Variants in NRG3 observed in about 807,000 individuals in gnomAD.
NRG3 encodes the protein pro-neuregulin-3, membrane-bound isoform.
A neutral mutation model predicts 66.9 loss-of-function variants in NRG3; 31 were observed. The ratio of observed to expected loss-of-function variants is 0.46; its 90% CI spans 0.35 to 0.63. The LOEUF (loss-of-function observed/expected upper bound fraction) is 0.63. Among genes scored for constraint, NRG3 ranks in the 20% least tolerant of loss-of-function variants. The pLI, the probability that NRG3 is intolerant of heterozygous loss-of-function variation, is 0.00. For synonymous variants in NRG3, 393 were observed against 359.4 expected, an observed-to-expected ratio of 1.09 and a Z score of -1.06; for missense variants, 910 against 878.9, an observed-to-expected ratio of 1.04 and a Z score of -0.45.
intron 4 of NRG3, among the ~76,000 whole-genome samples, chr10:82,900,097 C>T (rs1029757705): frequency 1.1e-4 from 16 of 152,048 alleles, no homozygotes; most frequent in Non-Finnish European, 1.9e-4. Flanking sequence ...ATGATGGGAG[C>T]AGGAGCAAGA....
At chr10:82,041,760 C>T (rs762367486) in intron 1 of NRG3, among the ~76,000 whole-genome samples, 12 of 151,922 alleles carry the variant, frequency 7.9e-5, no homozygotes, top group Admixed American at 4.0e-4. Flanking sequence ...TTCCTTCCTT[C>T]TTTCCTTCTT....
At chr10:82,135,027 G>C (rs1308632573) in intron 1 of NRG3, among the ~76,000 whole-genome samples, 3 of 151,258 alleles carry the variant, frequency 2.0e-5, no homozygotes, top group African/African-American at 4.9e-5. Flanking sequence ...TCGGGAGGCT[G>C]AGGCAGGAGA....
chr10:82,380,615 G>A (rs912224820), intron 2 of NRG3, among the ~76,000 whole-genome samples: 2 of 152,048 alleles, frequency 1.3e-5, no homozygotes, highest in African/African-American at 4.8e-5. Flanking sequence ...ATTAGAGATG[G>A]GAAAGTATAG....
intron 1 of NRG3, among the ~76,000 whole-genome samples, chr10:82,086,472 A>G (rs1033501222): frequency 6.6e-6 from 1 of 152,092 alleles, no homozygotes; most frequent in Non-Finnish European, 1.5e-5. Context: ...AGGAAAACAA[A>G]TATTGATTTT....
intron 2 of NRG3, among the ~76,000 whole-genome samples, chr10:82,481,488 G>T (rs192281003): frequency 1.3e-5 from 2 of 152,022 alleles, no homozygotes; most frequent in East Asian, 1.9e-4. Context: ...TTTATTTCTG[G>T]CTTTCTTAAG....
chr10:82,076,724 C>T (rs1003452997), intron 1 of NRG3, among the ~76,000 whole-genome samples: 11 of 152,132 alleles, frequency 7.2e-5, no homozygotes, highest in Non-Finnish European at 2.9e-5. Context: ...GCCAGCTCCC[C>T]CTTTACCTTC....
intron 2 of NRG3, among the ~76,000 whole-genome samples, chr10:82,452,097 G>C (rs1320794764): frequency 6.6e-6 from 1 of 152,160 alleles, no homozygotes; most frequent in Non-Finnish European, 1.5e-5. Flanking sequence ...CAAAAGCTGA[G>C]TTGTTATCTT....
intron 1 of NRG3, among the ~76,000 whole-genome samples, chr10:81,914,524 G>A (rs73304566): frequency 0.019 from 2,862 of 152,026 alleles, 79 homozygotes; most frequent in African/African-American, 0.063. Flanking sequence ...GTTGAGACTG[G>A]GAGTTCGAGA....
intron 3 of NRG3, among the ~76,000 whole-genome samples, chr10:82,839,389 A>T (rs1022182274): frequency 6.6e-6 from 1 of 152,128 alleles, no homozygotes; most frequent in African/African-American, 2.4e-5. Context: ...TTAAGTGAGA[A>T]GATAAATGCA....
chr10:82,627,660 C>A (rs2049522273), intron 2 of NRG3, among the ~76,000 whole-genome samples: 1 of 152,052 alleles, frequency 6.6e-6, no homozygotes, highest in Non-Finnish European at 1.5e-5. Flanking sequence ...CACAAAGAGG[C>A]CCACAGACAG....
chr10:82,626,774 A>G (rs1454846569), intron 2 of NRG3, among the ~76,000 whole-genome samples: 1 of 152,082 alleles, frequency 6.6e-6, no homozygotes, highest in African/African-American at 2.4e-5. Context: ...GACTCATGAC[A>G]GTCAAGAGCA....
chr10:82,173,791 A>C (rs2072821813), intron 1 of NRG3, among the ~76,000 whole-genome samples: 1 of 152,042 alleles, frequency 6.6e-6, no homozygotes, highest in African/African-American at 2.4e-5. Flanking sequence ...CATGCTCCAA[A>C]GTGTGCTAGA....
chr10:82,131,141 C>A (rs1434450372), intron 1 of NRG3, among the ~76,000 whole-genome samples: 1 of 151,972 alleles, frequency 6.6e-6, no homozygotes, highest in African/African-American at 2.4e-5. Flanking sequence ...AGAAAGTATC[C>A]CCAATGTTCT....
chr10:82,481,429 T>C (rs753177580), intron 2 of NRG3, among the ~76,000 whole-genome samples: 2 of 152,202 alleles, frequency 1.3e-5, no homozygotes, highest in Non-Finnish European at 2.9e-5. Context: ...TGTGATCTGG[T>C]ATAGTCCCAG....
chr10:82,182,938 A>T (rs1434822244), intron 1 of NRG3, among the ~76,000 whole-genome samples: 1 of 152,024 alleles, frequency 6.6e-6, no homozygotes, highest in Non-Finnish European at 1.5e-5. Context: ...TGAATATATC[A>T]TCCAACTTCA....
intron 5 of NRG3, among the ~76,000 whole-genome samples, chr10:82,952,465 CTCTCTCTGTG>C (rs1849624125): frequency 2.7e-5 from 1 of 36,388 alleles, no homozygotes; most frequent in Non-Finnish European, 5.4e-5. Flanking sequence ...CTCTCTCTCT[CTCTCTCTGTG>C]TGTGTGTGTG....
At chr10:82,411,843 T>C (rs896931357) in intron 2 of NRG3, among the ~76,000 whole-genome samples, 2 of 152,104 alleles carry the variant, frequency 1.3e-5, no homozygotes, top group Admixed American at 6.6e-5. Context: ...TTCCATATCT[T>C]AGGTTTTAGG....
At chr10:82,738,247 T>G (rs1004140125) in intron 2 of NRG3, among the ~76,000 whole-genome samples, 1 of 152,052 alleles carries the variant, frequency 6.6e-6, no homozygotes, top group South Asian at 2.1e-4. Flanking sequence ...GTGTGTTGCA[T>G]AAAGAAAAAT....
chr10:82,180,591 C>G (rs1213938203), intron 1 of NRG3, among the ~76,000 whole-genome samples: 1 of 151,734 alleles, frequency 6.6e-6, no homozygotes, highest in Non-Finnish European at 1.5e-5. Flanking sequence ...GGGATAAATT[C>G]CACTTGGTAA....
Sources: allele counts gnomAD v4.1 joint callset (sites outside exome capture counted in the v4.1 genomes callset), GRCh38; gene constraint gnomAD v4.1.1; transcripts MANE v1.5; gene names NCBI Gene and HGNC (gene_info 2026-07-23, HGNC 2026-07-21).